The following IMMP2L variants were observed in gnomAD, a reference collection of about 807,000 sequenced individuals.
IMMP2L encodes the protein mitochondrial inner membrane protease subunit 2.
A neutral mutation model predicts 19.3 loss-of-function variants in IMMP2L; 18 were observed. That is an observed-to-expected ratio of 0.93 (90% confidence interval 0.64 to 1.38). The LOEUF is 1.38. Among genes scored for constraint, IMMP2L ranks in the 40% most tolerant of loss-of-function variants. IMMP2L has a pLI of 0.00. For synonymous variants in IMMP2L, 76 were observed against 73.0 expected, an observed-to-expected ratio of 1.04 and a Z score of -0.21; for missense variants, 233 against 218.2, an observed-to-expected ratio of 1.07 and a Z score of -0.43.
At chr7:110,833,544 C>T (rs73194890) in intron 5 of IMMP2L, among the ~76,000 whole-genome samples, 5,801 of 151,636 alleles carry the variant, frequency 0.038, 364 homozygotes, top group African/African-American at 0.13. Flanking sequence ...GGGGGGATGG[C>T]TGATTTTTAG....
At chr7:110,850,296 T>C (rs1806071039) in intron 5 of IMMP2L, among the ~76,000 whole-genome samples, 1 of 151,958 alleles carries the variant, frequency 6.6e-6, no homozygotes, top group Non-Finnish European at 1.5e-5. Context: ...CATAAGACAC[T>C]CCTACCAATG....
intron 3 of IMMP2L, among the ~76,000 whole-genome samples, chr7:111,120,598 A>T (rs537894574): frequency 2.0e-5 from 3 of 152,230 alleles, no homozygotes; most frequent in African/African-American, 7.2e-5. Context: ...TTAGTAATGG[A>T]AGGTAAGTTA....
intron 3 of IMMP2L, among the ~76,000 whole-genome samples, chr7:111,405,569 AT>A (rs1444394608): frequency 1.3e-5 from 2 of 152,248 alleles, no homozygotes; most frequent in Admixed American, 1.3e-4. Flanking sequence ...ATCTGTTTGG[AT>A]TTTTACATGA....
chr7:110,937,287 G>A (rs62464019), intron 4 of IMMP2L, among the ~76,000 whole-genome samples: 16,243 of 152,210 alleles, frequency 0.11, 1,392 homozygotes, highest in African/African-American at 0.24. Flanking sequence ...GATAAAGGTA[G>A]GGTGGTGATG....
intron 1 of IMMP2L, among the ~76,000 whole-genome samples, chr7:111,553,070 G>C (rs1297752886): frequency 6.6e-6 from 1 of 152,048 alleles, no homozygotes; most frequent in East Asian, 1.9e-4. Flanking sequence ...AACCAAGCAA[G>C]GACCCTCAAA....
intron 4 of IMMP2L, among the ~76,000 whole-genome samples, chr7:110,939,092 A>G (rs550827211): frequency 6.6e-6 from 1 of 152,128 alleles, no homozygotes; most frequent in Non-Finnish European, 1.5e-5. Context: ...AAGGTAGAAG[A>G]AAGTATAGAG....
intron 3 of IMMP2L, among the ~76,000 whole-genome samples, chr7:111,333,086 G>A (rs1308961380): frequency 6.6e-6 from 1 of 152,028 alleles, no homozygotes; most frequent in African/African-American, 2.4e-5. Flanking sequence ...GAAGGTTTGT[G>A]TCACTCCACC....
At chr7:111,459,184 A>C (rs555779249) in intron 3 of IMMP2L, among the ~76,000 whole-genome samples, 1 of 152,268 alleles carries the variant, frequency 6.6e-6, no homozygotes, top group South Asian at 2.1e-4. Context: ...CTGATTTTTC[A>C]ATATTACAAA....
intron 5 of IMMP2L, among the ~76,000 whole-genome samples, chr7:110,785,371 GT>G (rs1178781882): frequency 6.6e-6 from 1 of 151,924 alleles, no homozygotes. Context: ...CCACATCAGT[GT>G]GGCTGGATTT....
intron 3 of IMMP2L, among the ~76,000 whole-genome samples, chr7:111,277,521 C>T (rs1443298956): frequency 6.7e-6 from 1 of 150,226 alleles, no homozygotes; most frequent in Non-Finnish European, 1.5e-5. Flanking sequence ...GCCGAGATTA[C>T]TCCACCACAC....
intron 3 of IMMP2L, among the ~76,000 whole-genome samples, chr7:111,040,797 T>C (rs1009419763): frequency 2.7e-5 from 4 of 150,742 alleles, no homozygotes; most frequent in Admixed American, 6.6e-5. Context: ...TTAAATCTAA[T>C]ATTTAATCTA....
chr7:111,212,506 G>A (rs910951950), intron 3 of IMMP2L, among the ~76,000 whole-genome samples: 1 of 151,886 alleles, frequency 6.6e-6, no homozygotes, highest in Non-Finnish European at 1.5e-5. Flanking sequence ...AGATGTTCAG[G>A]AGGATGAAGT....
chr7:110,839,417 T>C (rs999737086), intron 5 of IMMP2L, among the ~76,000 whole-genome samples: 2 of 152,130 alleles, frequency 1.3e-5, no homozygotes, highest in African/African-American at 4.8e-5. Flanking sequence ...CATTCTTTCT[T>C]GACCTAGGTA....
At chr7:111,252,494 G>A (rs1816256989) in intron 3 of IMMP2L, among the ~76,000 whole-genome samples, 1 of 152,014 alleles carries the variant, frequency 6.6e-6, no homozygotes, top group South Asian at 2.1e-4. Context: ...TCATATGATT[G>A]GAGAAGAGAA....
intron 3 of IMMP2L, among the ~76,000 whole-genome samples, chr7:111,276,132 T>C (rs1819018788): frequency 6.6e-6 from 1 of 152,136 alleles, no homozygotes; most frequent in South Asian, 2.1e-4. Context: ...TAAGGCCTAG[T>C]CTTTTGAGGA....
intron 1 of IMMP2L, among the ~76,000 whole-genome samples, chr7:111,544,429 T>A (rs183629716): frequency 6.1e-4 from 93 of 152,236 alleles, no homozygotes; most frequent in Admixed American, 4.0e-3. Flanking sequence ...ACCGACTCTA[T>A]GAATTCAGTT....
intron 3 of IMMP2L, among the ~76,000 whole-genome samples, chr7:111,356,509 AG>A (rs1828714247): frequency 6.6e-6 from 1 of 152,118 alleles, no homozygotes; most frequent in Non-Finnish European, 1.5e-5. Context: ...GTATCAAGGG[AG>A]GTCCTAGACC....
chr7:111,323,489 C>G (rs1025206331), intron 3 of IMMP2L, among the ~76,000 whole-genome samples: 1 of 152,046 alleles, frequency 6.6e-6, no homozygotes, highest in Admixed American at 6.6e-5. Flanking sequence ...AGTCAGGAAA[C>G]AAAAGCTGCT....
At chr7:111,033,783 T>G (rs558299826) in intron 3 of IMMP2L, among the ~76,000 whole-genome samples, 2 of 152,234 alleles carry the variant, frequency 1.3e-5, no homozygotes, top group South Asian at 4.1e-4. Context: ...TGAAAACATA[T>G]CAATACAAAA....
Sources: allele counts gnomAD v4.1 joint callset (sites outside exome capture counted in the v4.1 genomes callset), GRCh38; gene constraint gnomAD v4.1.1; transcripts MANE v1.5; gene names NCBI Gene and HGNC (gene_info 2026-07-23, HGNC 2026-07-21).